RARB: variants seen among roughly 807,000 people sequenced by gnomAD.
The protein encoded by RARB is HBV-activated protein.
Under a neutral mutation model 51.9 loss-of-function variants are expected in RARB, and 17 were observed. That is an observed-to-expected ratio of 0.33 (90% CI 0.22 to 0.49). The LOEUF is 0.49. Ranked by LOEUF, RARB falls within the 20% of genes least tolerant of loss-of-function variation. The pLI is 0.99. For synonymous variants in RARB, 215 were observed against 195.4 expected, an observed-to-expected ratio of 1.10 and a Z score of -0.84; for missense variants, 369 against 550.8, an observed-to-expected ratio of 0.67 and a Z score of 3.30.
intron 5 of RARB, among the ~76,000 whole-genome samples, chr3:25,213,324 C>T (rs1181151407): frequency 6.6e-6 from 1 of 152,008 alleles, no homozygotes; most frequent in Non-Finnish European, 1.5e-5. Flanking sequence ...CAGTTTGAGT[C>T]CTTTTGTGTC....
At chr3:24,877,874 G>A (rs559780112) in intron 2 of RARB, among the ~76,000 whole-genome samples, 3 of 152,222 alleles carry the variant, frequency 2.0e-5, no homozygotes, top group South Asian at 2.1e-4. Flanking sequence ...GCCTCTAATC[G>A]GCTTTTAAGG....
At chr3:25,005,939 T>C (rs915935484) in intron 2 of RARB, among the ~76,000 whole-genome samples, 17 of 152,134 alleles carry the variant, frequency 1.1e-4, no homozygotes, top group Non-Finnish European at 1.8e-4. Context: ...ATCTCCTCTC[T>C]TTGCCCCTTT....
chr3:25,149,654 C>T (rs1700250584), intron 4 of RARB, among the ~76,000 whole-genome samples: 1 of 152,204 alleles, frequency 6.6e-6, no homozygotes, highest in Non-Finnish European at 1.5e-5. Flanking sequence ...CACTCACCTC[C>T]CATACCCACA....
Position 25,593,400 on chromosome 3 carries a change from CA to C in RARB, c.787-101del, listed in dbSNP as rs1701690763. ...CATGTGAAAGGGGGACAGACTGCCC[CA>C]AGAGCTCCTTGGAAATCTTCATGTT... On this transcript the variant is annotated intron_variant, in intron 5 of 7. Coordinates refer to ENST00000330688, the MANE Select transcript of RARB (RefSeq NM_000965.5). 1.0e-5 allele frequency: 11 copies of C among 1,103,132 alleles called. No homozygotes were observed. In the Middle Eastern group the frequency reaches 2.1e-3, roughly 208 times the overall value. The allele number at this position is 1,103,132 out of a possible 1,614,324, so 68.3% of individuals were successfully genotyped here. A position where few individuals can be genotyped will look rare whatever the true frequency, so the allele number is the denominator to read the frequency against.
chr3:25,299,580 C>T (rs1391387014), intron 5 of RARB, among the ~76,000 whole-genome samples: 1 of 152,136 alleles, frequency 6.6e-6, no homozygotes, highest in Non-Finnish European at 1.5e-5. Context: ...TGATTTTCTT[C>T]ATATCACATT....
intron 3 of RARB, among the ~76,000 whole-genome samples, chr3:25,111,462 T>G (rs1559470397): frequency 6.6e-6 from 1 of 152,094 alleles, no homozygotes; most frequent in African/African-American, 2.4e-5. Flanking sequence ...AAAACTGATT[T>G]AAAATCATTT....
chr3:24,926,152 G>C (rs1695317007), intron 2 of RARB, among the ~76,000 whole-genome samples: 1 of 152,096 alleles, frequency 6.6e-6, no homozygotes, highest in Admixed American at 6.6e-5. Flanking sequence ...CTAATGCGGA[G>C]TTTTGTTTGA....
chr3:25,085,106 G>T (rs1021868084), intron 3 of RARB, among the ~76,000 whole-genome samples: 2 of 152,130 alleles, frequency 1.3e-5, no homozygotes, highest in Non-Finnish European at 2.9e-5. Flanking sequence ...TCCAAAAGCA[G>T]AATACCAAGA....
intron 1 of RARB, among the ~76,000 whole-genome samples, chr3:24,833,419 C>A (rs899982916): frequency 6.6e-6 from 1 of 152,168 alleles, no homozygotes; most frequent in African/African-American, 2.4e-5. Flanking sequence ...CTTCCCTCCC[C>A]AGCTTCCGCT....
chr3:25,283,040 C>A (rs1030711760), intron 5 of RARB, among the ~76,000 whole-genome samples: 8 of 152,294 alleles, frequency 5.3e-5, no homozygotes, highest in African/African-American at 1.9e-4. Context: ...GGATGAGCAA[C>A]TGGCCACGCA....
chr3:25,108,733 T>G (rs1185319085), intron 3 of RARB, among the ~76,000 whole-genome samples: 1 of 152,208 alleles, frequency 6.6e-6, no homozygotes, highest in African/African-American at 2.4e-5. Context: ...CTTGATGTTT[T>G]TTACTGTCTT....
At chr3:25,146,817 C>T (rs1171769408) in intron 4 of RARB, among the ~76,000 whole-genome samples, 1 of 152,154 alleles carries the variant, frequency 6.6e-6, no homozygotes, top group East Asian at 1.9e-4. Context: ...CGGCGCCCGG[C>T]ATTTGCTAAG....
intron 3 of RARB, among the ~76,000 whole-genome samples, chr3:25,561,006 G>C (rs1278448101): frequency 1.3e-5 from 2 of 152,112 alleles, no homozygotes; most frequent in South Asian, 4.1e-4. Context: ...TGTGTGCAAT[G>C]AACAAAAACT....
At chr3:25,594,337 G>A (rs886733601) in intron 6 of RARB, among the ~76,000 whole-genome samples, 183 bp from the exon 7 acceptor site, 1 of 152,114 alleles carries the variant, frequency 6.6e-6, no homozygotes, top group Non-Finnish European at 1.5e-5. Context: ...ACTACCAAGG[G>A]GGGGCAGTTT....
At chr3:25,497,292 A>G (rs769287772) in intron 2 of RARB, among the ~76,000 whole-genome samples, 1 of 152,142 alleles carries the variant, frequency 6.6e-6, no homozygotes, top group African/African-American at 2.4e-5. Context: ...AGGTGTTACG[A>G]TGACTCAGTT....
intron 3 of RARB, among the ~76,000 whole-genome samples, chr3:25,561,636 C>G (rs746643215): frequency 2.6e-5 from 4 of 151,996 alleles, no homozygotes; most frequent in Non-Finnish European, 5.9e-5. Flanking sequence ...TTCTGCTTCT[C>G]TTTTCCTAAG....
At chr3:25,293,979 G>T (rs1198786568) in intron 5 of RARB, among the ~76,000 whole-genome samples, 1 of 152,130 alleles carries the variant, frequency 6.6e-6, no homozygotes, top group Non-Finnish European at 1.5e-5. Context: ...TTGTTACTTT[G>T]AATAAGCCTT....
Position 25,594,623 on chromosome 3 carries a change from CAT to C in RARB, c.1096_1097del (p.Met366ValfsTer13), listed in dbSNP as rs755356251. 13 of 1,613,566 alleles carry C rather than the reference CAT, an allele frequency of 8.1e-6. No individual in the cohort carries two copies. The highest frequency in any genetic ancestry group is 1.1e-5 in the South Asian group (1 of 91,040). ...IRKRRPSKPHMFPKILMKITD... is the reference protein window; with the variant it reads ...IRKRRPSKPHXFPKILMKITD... ...GAAAAAGACGACCCAGCAAGCCTCA[CAT>C]GTTTCCAAAGATCTTAATGAAAATC... On this transcript the variant is annotated frameshift_variant, in exon 7 of 8. Coordinates refer to ENST00000330688, the MANE Select transcript of RARB (RefSeq NM_000965.5). LOFTEE classifies it high-confidence loss of function.
At chr3:24,874,797 T>C (rs1703010741) in intron 2 of RARB, among the ~76,000 whole-genome samples, 1 of 152,056 alleles carries the variant, frequency 6.6e-6, no homozygotes, top group African/African-American at 2.4e-5. Context: ...TTAAATTGTT[T>C]ATATTTTATA....
Sources: allele counts gnomAD v4.1 joint callset (sites outside exome capture counted in the v4.1 genomes callset), GRCh38; gene constraint gnomAD v4.1.1; transcripts MANE v1.5; gene names NCBI Gene and HGNC (gene_info 2026-07-23, HGNC 2026-07-21).